Variants in TOM1L1 observed in about 807,000 individuals in gnomAD.
The protein encoded by TOM1L1 is TOM1-like protein 1.
Under a neutral mutation model 63.4 loss-of-function variants are expected in TOM1L1, and 64 were observed. That is an observed-to-expected ratio of 1.01 (90% CI 0.83 to 1.24). The LOEUF is 1.24. Among genes scored for constraint, TOM1L1 ranks in the 50% most tolerant of loss-of-function variants. The probability of loss-of-function intolerance (pLI) is 0.00; values close to 1 mark genes in which losing one functional copy is unlikely to be tolerated. For missense variants in TOM1L1, 536 were observed against 567.0 expected (o/e 0.95, Z 0.55); for synonymous variants, 166 against 194.4 (o/e 0.85, Z 1.22).
chr17:54,905,830 AG>A (rs1202562173), intron 3 of TOM1L1, among the ~76,000 whole-genome samples: 6 of 152,176 alleles, frequency 3.9e-5, no homozygotes, highest in Admixed American at 3.3e-4. Context: ...GTCAGGAGAT[AG>A]GAATTAGTGG....
intron 3 of TOM1L1, chr17:54,906,648 C>T (rs949327306): frequency 5.9e-6 from 3 of 505,958 alleles, no homozygotes; most frequent in African/African-American, 4.2e-5. Flanking sequence ...TGCTGCCTGG[C>T]GTGATTTGGA....
chr17:54,917,936 A>G (rs574797822), intron 7 of TOM1L1, among the ~76,000 whole-genome samples: 53 of 152,284 alleles, frequency 3.5e-4, no homozygotes, highest in African/African-American at 1.3e-3. Context: ...CTCTGTCCCA[A>G]TCATTGTTTC....
intron 14 of TOM1L1, chr17:54,952,369 A>G (rs2049275670): frequency 6.6e-6 from 1 of 152,008 alleles, no homozygotes; most frequent in Admixed American, 6.6e-5. Flanking sequence ...CAACATGGTG[A>G]AACCCCGTCT....
chr17:54,961,386 A>G lies in TOM1L1; in HGVS notation c.*153A>G. 1.9e-6 allele frequency: 3 copies of G among 1,548,794 alleles called. No homozygotes were observed. The South Asian group carries it at 3.6e-5, about 18-fold the overall frequency. ...TGCTATAATGAAGATTAAATAGAAT[A>G]ACAGTTCCAGGATAACACTGATTCC... On this transcript the variant is annotated 3_prime_UTR_variant, in exon 16 of 16. Coordinates refer to ENST00000575882, the MANE Select transcript of TOM1L1 (RefSeq NM_005486.3).
rs142215434 is a variant in TOM1L1 at position 54,937,148 on chromosome 17, G to C, written c.955G>C (p.Asp319His). Residue 319 changes from aspartate (D) to histidine (H), a missense_variant, in exon 10 of 16, where the codon GAC becomes CAC. Coordinates refer to ENST00000575882, the MANE Select transcript of TOM1L1 (RefSeq NM_005486.3). The part of the protein sequence containing the change: ...EPSAPSQDLL[D>H]LSPSPRMPRA... ...TTCTGCCCCATCTCAAGATCTCCTCGACCTAAGTCCCAGTCCCCGGATGCC... is the reference window on the plus strand; with the variant it reads ...TTCTGCCCCATCTCAAGATCTCCTCCACCTAAGTCCCAGTCCCCGGATGCC... 2.5e-6 allele frequency: 4 copies of C among 1,611,146 alleles called. No homozygotes were observed. The highest frequency in any genetic ancestry group is 1.7e-5 in the Admixed American group (1 of 59,554).
At chr17:54,901,010 G>T (rs2048317011) in intron 1 of TOM1L1, 87 bp downstream of exon 1, 1 of 1,574,348 alleles carries the variant, frequency 6.4e-7, no homozygotes, top group Non-Finnish European at 8.7e-7. Context: ...TGCAGAGGAC[G>T]GAGTTAGTCC....
intron 12 of TOM1L1, among the ~76,000 whole-genome samples, chr17:54,949,204 T>TTTTTTTTC (rs2049170817): frequency 2.8e-5 from 1 of 35,310 alleles, no homozygotes; most frequent in Admixed American, 2.4e-4. Flanking sequence ...TGCCCAGCTA[T>TTTTTTTTC]TTTTTTTTTT....
chr17:54,901,958 A>G (rs900331228), intron 1 of TOM1L1, among the ~76,000 whole-genome samples: 3 of 152,086 alleles, frequency 2.0e-5, no homozygotes, highest in African/African-American at 7.2e-5. Flanking sequence ...CTGTGTCTTC[A>G]TAGGCAAACG....
rs779953187 is a variant in TOM1L1 at position 54,905,496 on chromosome 17, G to A, written c.151G>A (p.Asp51Asn). 4 of 1,610,586 alleles carry A rather than the reference G, an allele frequency of 2.5e-6. No homozygotes were observed. The change falls in exon 3 of 16, where the codon GAT (aspartate) becomes AAT (asparagine). Residue 51 changes from aspartate to asparagine, a missense_variant. Transcript: ENST00000575882. ...IINTTQDGPK[D>N]AVKALKKRIS... Reference sequence around the variant, plus strand: ...GTGTATTTATTGCTATAGGCCAAAAGATGCAGTGAAAGCTTTGAAGAAAAG... The same window carrying A: ...GTGTATTTATTGCTATAGGCCAAAAAATGCAGTGAAAGCTTTGAAGAAAAG...
Position 54,914,524 on chromosome 17 carries a change from C to T in TOM1L1, c.499-115C>T, listed in dbSNP as rs190217499. On this transcript the variant is annotated intron_variant, in intron 5 of 15. Transcript: ENST00000575882. ...TGTGTAGCTGATGATTTACTCTGGG[C>T]AGATACCCTGTACACAGGACTTTGA... is the stretch of plus-strand genomic sequence containing the variant. 4.1e-4 allele frequency: 312 copies of T among 757,760 alleles called. 6 individuals carry two copies. In the East Asian group the frequency reaches 6.5e-3, roughly 16 times the overall value. 46.9% of individuals were successfully genotyped at this position (757,760 alleles called of 1,614,324 possible).
intron 5 of TOM1L1, 150 bp from the exon 6 acceptor site, chr17:54,914,489 C>T: frequency 1.7e-6 from 1 of 602,256 alleles, no homozygotes; most frequent in South Asian, 2.2e-5. Flanking sequence ...TCACAAAATG[C>T]TGGACGGGTT....
At chr17:54,950,840 T>C (rs535656905) in intron 14 of TOM1L1, among the ~76,000 whole-genome samples, 10 of 152,360 alleles carry the variant, frequency 6.6e-5, no homozygotes, top group African/African-American at 2.4e-4. Flanking sequence ...TGGGAAACTC[T>C]CAACCATGTT....
At chr17:54,937,453 A>G in intron 10 of TOM1L1, 1 of 512,898 alleles carries the variant, frequency 1.9e-6, no homozygotes, top group Non-Finnish European at 3.5e-6. Context: ...CTACTCACTT[A>G]GAATCTCATG....
chr17:54,959,353 C>T (rs935444313), intron 14 of TOM1L1: 1 of 152,136 alleles, frequency 6.6e-6, no homozygotes, highest in African/African-American at 2.4e-5. Context: ...TGGCTTATGC[C>T]TCTAATCCCA....
In TOM1L1 at chr17:54,960,655, T is replaced by C. The variant is rs768275958; in HGVS notation, c.*1+28T>C. 37 of 1,470,690 alleles carry C rather than the reference T, an allele frequency of 2.5e-5. 1 individual carries two copies. In the Middle Eastern group the frequency reaches 2.1e-3, roughly 84 times the overall value. The allele number at this position is 1,470,690 out of a possible 1,614,324, so 91.1% of individuals were successfully genotyped here. On this transcript the variant is annotated intron_variant, in intron 15 of 15. Transcript: ENST00000575882. ...AAAGACTTCAACTTATACAACTTAATTCCATATTCCATATAATTTCAGTAT... is the reference window on the plus strand; with the variant it reads ...AAAGACTTCAACTTATACAACTTAACTCCATATTCCATATAATTTCAGTAT...
chr17:54,905,277 C>T (rs530354051), intron 2 of TOM1L1, among the ~76,000 whole-genome samples: 21 of 152,136 alleles, frequency 1.4e-4, no homozygotes, highest in Non-Finnish European at 1.8e-4. Context: ...ATTTGATTCT[C>T]ATAAGGGGTT....
At chr17:54,901,021 A>T (rs1477011599) in intron 1 of TOM1L1, 98 bp downstream of exon 1, 9 of 1,522,822 alleles carry the variant, frequency 5.9e-6, no homozygotes, top group Non-Finnish European at 8.1e-6. Flanking sequence ...GAGTTAGTCC[A>T]ACTTGAAAAA....
intron 13 of TOM1L1, among the ~76,000 whole-genome samples, 179 bp downstream of exon 13, chr17:54,949,802 AT>A (rs1216794857): frequency 5.3e-5 from 8 of 152,220 alleles, no homozygotes; most frequent in African/African-American, 1.9e-4. Context: ...GACTGTAAAA[AT>A]GCTTGTGTTA....
At chr17:54,949,717 T>G in intron 13 of TOM1L1, 94 bp downstream of exon 13, 1 of 1,036,082 alleles carries the variant, frequency 9.7e-7, no homozygotes, top group South Asian at 1.3e-5. Flanking sequence ...ATAGGAGAAA[T>G]TAGAGATGCT....
Sources: allele counts gnomAD v4.1 joint callset (sites outside exome capture counted in the v4.1 genomes callset), GRCh38; gene constraint gnomAD v4.1.1; transcripts MANE v1.5; gene names NCBI Gene and HGNC (gene_info 2026-07-23, HGNC 2026-07-21).